Variants in LOC128462377 observed in about 807,000 individuals in gnomAD.
the LOC128462377 span, among the ~76,000 whole-genome samples, chr16:89,409,933 G>A: frequency 3.3e-5 from 5 of 152,106 alleles, no homozygotes; most frequent in East Asian, 3.9e-4. Flanking sequence ...TCCGCCTCCC[G>A]GGTTCACGCC....
At chr16:89,402,854 G>A in the LOC128462377 span, among the ~76,000 whole-genome samples, 1 of 151,440 alleles carries the variant, frequency 6.6e-6, no homozygotes, top group Non-Finnish European at 1.5e-5. Context: ...TGGGCGGGGT[G>A]GGGCCTGCAG....
the LOC128462377 span, among the ~76,000 whole-genome samples, chr16:89,349,904 ACACACACAT>A: frequency 1.1e-3 from 147 of 134,404 alleles, no homozygotes; most frequent in African/African-American, 4.3e-3. Flanking sequence ...ACACACACAC[ACACACACAT>A]ATTCAAACAA....
chr16:89,406,463 C>A, the LOC128462377 span, among the ~76,000 whole-genome samples: 41 of 152,310 alleles, frequency 2.7e-4, no homozygotes, highest in African/African-American at 9.1e-4. Flanking sequence ...GCCGCACGGG[C>A]AAAGGAGCCA....
chr16:89,395,319 G>A, the LOC128462377 span, among the ~76,000 whole-genome samples: 1 of 152,240 alleles, frequency 6.6e-6, no homozygotes. Context: ...AATCCTGGGA[G>A]CAGCGTCGGT....
At chr16:89,341,766 CACAA>C in the LOC128462377 span, among the ~76,000 whole-genome samples, 2 of 152,242 alleles carry the variant, frequency 1.3e-5, no homozygotes, top group Non-Finnish European at 2.9e-5. Context: ...CACAAACGTG[CACAA>C]ACAAAAAGTG....
the LOC128462377 span, among the ~76,000 whole-genome samples, chr16:89,342,214 G>C: frequency 2.0e-5 from 3 of 152,278 alleles, no homozygotes; most frequent in African/African-American, 4.8e-5. Flanking sequence ...CACCATGAGA[G>C]AGAAAAAGAT....
chr16:89,370,729 G>T, the LOC128462377 span: 1 of 152,342 alleles, frequency 6.6e-6, no homozygotes, highest in Non-Finnish European at 1.5e-5. Context: ...TTTCATCACG[G>T]TGACTGCTGT....
At chr16:89,364,276 C>A in the LOC128462377 span, among the ~76,000 whole-genome samples, 2 of 152,206 alleles carry the variant, frequency 1.3e-5, no homozygotes, top group Middle Eastern at 3.2e-3. Context: ...CAGCCTAATG[C>A]AGCTTCATGA....
the LOC128462377 span, among the ~76,000 whole-genome samples, chr16:89,395,355 G>C: frequency 6.6e-6 from 1 of 152,222 alleles, no homozygotes; most frequent in Non-Finnish European, 1.5e-5. Context: ...ACGGCAAGCT[G>C]TTACATAAGA....
the LOC128462377 span, among the ~76,000 whole-genome samples, chr16:89,329,610 TAGAA>T: frequency 8.0e-6 from 1 of 125,130 alleles, no homozygotes; most frequent in Non-Finnish European, 1.7e-5. Flanking sequence ...TTAATTCCCA[TAGAA>T]AGAAGGAATA....
chr16:89,340,773 G>A, the LOC128462377 span, among the ~76,000 whole-genome samples: 3 of 152,340 alleles, frequency 2.0e-5, no homozygotes, highest in East Asian at 5.8e-4. Context: ...AGAGGCACAA[G>A]GGCCCAGAGA....
the LOC128462377 span, among the ~76,000 whole-genome samples, chr16:89,402,745 G>T: frequency 6.8e-6 from 1 of 147,084 alleles, no homozygotes; most frequent in African/African-American, 2.5e-5. Context: ...GGTGAGATAG[G>T]GGGTATCTGC....
the LOC128462377 span, among the ~76,000 whole-genome samples, chr16:89,384,879 C>CTTTGTTTTTTTTTTTTTTTTTTTT: frequency 2.0e-5 from 1 of 49,910 alleles, no homozygotes; most frequent in Non-Finnish European, 3.5e-5. Flanking sequence ...AAATAGTTTT[C>CTTTGTTTTTTTTTTTTTTTTTTTT]TTTTTTTTTT....
At chr16:89,328,295 C>T in the LOC128462377 span, among the ~76,000 whole-genome samples, 2 of 152,202 alleles carry the variant, frequency 1.3e-5, no homozygotes, top group South Asian at 2.1e-4. Flanking sequence ...GGCAGCCTTA[C>T]GAACCTAAGT....
chr16:89,382,352 G>C, the LOC128462377 span, among the ~76,000 whole-genome samples: 2 of 152,026 alleles, frequency 1.3e-5, no homozygotes, highest in Non-Finnish European at 2.9e-5. Flanking sequence ...TAAAGACAGA[G>C]TCTCGTTCTG....
At chr16:89,329,213 G>A in the LOC128462377 span, among the ~76,000 whole-genome samples, 815 of 152,362 alleles carry the variant, frequency 5.3e-3, 1 homozygote, top group Non-Finnish European at 8.6e-3. Context: ...TCTGTCGGTG[G>A]CTGTCGAGGA....
At chr16:89,330,019 A>G in the LOC128462377 span, among the ~76,000 whole-genome samples, 2 of 151,872 alleles carry the variant, frequency 1.3e-5, no homozygotes, top group Non-Finnish European at 2.9e-5. Flanking sequence ...ATAAAATAAA[A>G]TAAAATAAAA....
the LOC128462377 span, among the ~76,000 whole-genome samples, chr16:89,331,115 G>A: frequency 4.6e-5 from 7 of 152,118 alleles, no homozygotes; most frequent in South Asian, 4.1e-4. Flanking sequence ...CACCATGCCC[G>A]GCTAATTTTT....
the LOC128462377 span, among the ~76,000 whole-genome samples, chr16:89,402,222 G>A: frequency 1.3e-5 from 2 of 152,138 alleles, no homozygotes; most frequent in East Asian, 3.9e-4. Flanking sequence ...AAAGGCAGGC[G>A]AAATGTGGAA....
Sources: allele counts gnomAD v4.1 joint callset (sites outside exome capture counted in the v4.1 genomes callset), GRCh38; gene constraint gnomAD v4.1.1; transcripts MANE v1.5.